ZMYM2: variants seen among roughly 807,000 people sequenced by gnomAD.
ZMYM2 encodes the protein zinc finger MYM-type protein 2.
Under a neutral mutation model 162.8 loss-of-function variants are expected in ZMYM2, and 56 were observed. The observed-to-expected ratio is 0.34, with a 90% CI of 0.28 to 0.43. ZMYM2 has a LOEUF of 0.43. ZMYM2 is among the 20% of genes least tolerant of loss of function. The pLI is 1.00. For synonymous variants in ZMYM2, 510 were observed against 541.6 expected, an observed-to-expected ratio of 0.94 and a Z score of 0.81; for missense variants, 1,275 against 1,621.8, an observed-to-expected ratio of 0.79 and a Z score of 3.67.
chr13:20,084,464 T>C (rs918831045), intron 24 of ZMYM2, among the ~76,000 whole-genome samples: 1 of 152,212 alleles, frequency 6.6e-6, no homozygotes, highest in Admixed American at 6.5e-5. Flanking sequence ...AGCAGCCATA[T>C]ACTATATATA....
intron 2 of ZMYM2, among the ~76,000 whole-genome samples, chr13:19,992,370 G>A (rs951807325): frequency 5.9e-5 from 9 of 152,040 alleles, no homozygotes; most frequent in Non-Finnish European, 8.8e-5. Context: ...GACCAGCCAG[G>A]GCAACATAGT....
chr13:19,993,995 T>G, intron 3 of ZMYM2, 76 bp downstream of exon 3: 1 of 1,463,782 alleles, frequency 6.8e-7, no homozygotes, highest in East Asian at 2.3e-5. Flanking sequence ...TTGTAGTAAC[T>G]GGTATTACCT....
chr13:19,872,135 A>T, the ZMYM2 span, among the ~76,000 whole-genome samples: 1 of 150,134 alleles, frequency 6.7e-6, no homozygotes, highest in African/African-American at 2.5e-5. Context: ...ATGTCTGGCT[A>T]AGTTCTTTTT....
the ZMYM2 span, among the ~76,000 whole-genome samples, chr13:19,906,349 G>T: frequency 7.3e-6 from 1 of 136,406 alleles, no homozygotes; most frequent in African/African-American, 2.7e-5. Flanking sequence ...ATATATATGT[G>T]TGTGTATATA....
the ZMYM2 span, among the ~76,000 whole-genome samples, chr13:19,905,113 G>A: frequency 6.6e-6 from 1 of 151,514 alleles, no homozygotes; most frequent in East Asian, 1.9e-4. Flanking sequence ...CCAGGTTCAG[G>A]TGATTCTCCT....
chr13:19,871,312 A>G, the ZMYM2 span, among the ~76,000 whole-genome samples: 509 of 152,376 alleles, frequency 3.3e-3, 1 homozygote, highest in South Asian at 0.026. Context: ...AATGTATAAA[A>G]TAGACATTTT....
chr13:19,973,670 C>T (rs1254688343), intron 2 of ZMYM2, among the ~76,000 whole-genome samples: 4 of 59,004 alleles, frequency 6.8e-5, no homozygotes, highest in Non-Finnish European at 9.5e-5. Context: ...AACTCCATCT[C>T]AAAAAAAAAA....
chr13:19,936,614 C>A, the ZMYM2 span, among the ~76,000 whole-genome samples: 2 of 151,938 alleles, frequency 1.3e-5, no homozygotes, highest in African/African-American at 4.8e-5. Flanking sequence ...CCCAGCTACT[C>A]GAGAGGCTGA....
chr13:19,912,428 G>C, the ZMYM2 span, among the ~76,000 whole-genome samples: 1 of 151,576 alleles, frequency 6.6e-6, no homozygotes, highest in Non-Finnish European at 1.5e-5. Context: ...AACATCCTGG[G>C]CTCAGGTGAT....
chr13:20,082,076 G>T lies in ZMYM2; in HGVS notation c.3514G>T (p.Glu1172Ter). 1 of 1,606,552 alleles carries T rather than the reference G, an allele frequency of 6.2e-7. No individual in the cohort carries two copies. Among genetic ancestry groups the T allele is most frequent in the South Asian group, 1.1e-5 (1 of 89,388 alleles). ...TATTGATCCTGGATACCAAACATTT[G>T]AGCAAGAATTGAATAAAATACTGCG... ...IFIDPGYQTF[E>*]QELNKILRSW... is the part of the protein sequence containing the mutation. The change falls in exon 22 of 25, where the codon GAG becomes TAG. Residue 1172 changes from glutamate to a stop codon, truncating the protein, a stop_gained. Transcript: ENST00000610343. LOFTEE classifies it high-confidence loss of function.
At chr13:19,917,091 T>C in the ZMYM2 span, among the ~76,000 whole-genome samples, 1 of 151,754 alleles carries the variant, frequency 6.6e-6, no homozygotes, top group African/African-American at 2.4e-5. Context: ...GTCTCCGGAG[T>C]AGCTGGGACT....
the ZMYM2 span, among the ~76,000 whole-genome samples, chr13:19,950,639 G>A: frequency 6.6e-6 from 1 of 152,340 alleles, no homozygotes; most frequent in Admixed American, 6.5e-5. Flanking sequence ...CAGCTGCAAA[G>A]TCGTTCTGAA....
the ZMYM2 span, among the ~76,000 whole-genome samples, chr13:19,926,056 G>A: frequency 6.6e-6 from 1 of 150,676 alleles, no homozygotes; most frequent in Non-Finnish European, 1.5e-5. Flanking sequence ...GGCCTCCTGG[G>A]TTCAAGCAAT....
intron 12 of ZMYM2, among the ~76,000 whole-genome samples, chr13:20,038,790 AG>A: frequency 6.7e-6 from 1 of 150,110 alleles, no homozygotes; most frequent in Non-Finnish European, 1.5e-5. Context: ...GGATTTTAAA[AG>A]TTTTTTTTTT....
intron 2 of ZMYM2, among the ~76,000 whole-genome samples, chr13:19,975,861 AATGTATGTATGTATGTATGT>A (rs71070281): frequency 1.4e-5 from 2 of 146,890 alleles, no homozygotes; most frequent in Non-Finnish European, 1.5e-5. Flanking sequence ...CCATTTTTAA[AATGTATGTATGTATGTATGT>A]ATGTATGTAT....
In ZMYM2 at chr13:20,057,304, AT is replaced by A. The variant is rs755974494; in HGVS notation, c.2494-1266del. ...TATTTTTATTTTTATTTATTTATTT[AT>A]TTTTGTATTTTTAGTAGAGATGGAG... On this transcript the variant is annotated intron_variant, in intron 14 of 24. Coordinates refer to ENST00000610343, the MANE Select transcript of ZMYM2 (RefSeq NM_197968.4). Among the ~76,000 whole-genome samples the A allele has an allele frequency of 9.9e-5, 15 of 151,416 alleles. No individual in the cohort carries two copies. In the South Asian group the frequency reaches 2.7e-3, roughly 27 times the overall value.
rs1449363782 is a variant in ZMYM2 at position 20,087,428 on chromosome 13, A to G, written c.*1414A>G. ...TTTGGCTCTTTTCTAGCATGTGTGTAATCATGTTTTCTTCTGATTCCTGAA... is the reference window on the plus strand; with the variant it reads ...TTTGGCTCTTTTCTAGCATGTGTGTGATCATGTTTTCTTCTGATTCCTGAA... On this transcript the variant is annotated 3_prime_UTR_variant, in exon 25 of 25. Transcript: ENST00000610343. 5.3e-6 allele frequency: 1 copy of G among 189,512 alleles called. No homozygotes were observed. The highest frequency in any genetic ancestry group is 8.4e-5 in the East Asian group (1 of 11,914). 11.7% of individuals were successfully genotyped at this position (189,512 alleles called of 1,614,324 possible).
intron 10 of ZMYM2, among the ~76,000 whole-genome samples, chr13:20,032,565 T>C (rs1170058792): frequency 6.7e-6 from 1 of 150,314 alleles, no homozygotes; most frequent in Non-Finnish European, 1.5e-5. Flanking sequence ...TGAAAGGTGG[T>C]ACCCAGAACT....
rs141369923 is a variant in ZMYM2, at chr13:20,006,149, C to T, written c.1300-225C>T. On this transcript the variant is annotated intron_variant, in intron 5 of 24. Transcript: ENST00000610343. ...TCGGGAGGCTGAGGTAGGAGGATTG[C>T]TTGAGCCCAGGGGATTGAGGCTGCA... Among the ~76,000 whole-genome samples the T allele has an allele frequency of 4.0e-5, 6 of 151,764 alleles. No individual in the cohort carries two copies. In the East Asian group the frequency reaches 1.2e-3, roughly 29 times the overall value.
Sources: allele counts gnomAD v4.1 joint callset (sites outside exome capture counted in the v4.1 genomes callset), GRCh38; gene constraint gnomAD v4.1.1; transcripts MANE v1.5; gene names NCBI Gene and HGNC (gene_info 2026-07-23, HGNC 2026-07-21).